Variants in SPOCK1 observed in about 807,000 individuals in gnomAD.
SPOCK1 encodes the protein SPARC (osteonectin), cwcv and kazal like domains proteoglycan 1, also known as testican-1.
In SPOCK1, 23 loss-of-function variants were observed where a neutral mutation model predicts 55.3. The observed-to-expected ratio is 0.42, with a 90% CI of 0.30 to 0.59. The LOEUF (loss-of-function observed/expected upper bound fraction) is 0.59. SPOCK1 is among the 20% of genes least tolerant of loss of function. The pLI is 0.22. For missense variants in SPOCK1, 499 were observed against 552.5 expected (o/e 0.90, Z 0.97); for synonymous variants, 226 against 221.0 (o/e 1.02, Z -0.20).
intron 6 of SPOCK1, among the ~76,000 whole-genome samples, chr5:137,014,197 T>C (rs1751407273): frequency 6.6e-6 from 1 of 152,098 alleles, no homozygotes; most frequent in South Asian, 2.1e-4. Flanking sequence ...TTTGTTCTGT[T>C]TTTGCCATGG....
At chr5:137,058,626 G>A (rs1459041425) in intron 6 of SPOCK1, among the ~76,000 whole-genome samples, 2 of 152,168 alleles carry the variant, frequency 1.3e-5, no homozygotes, top group African/African-American at 4.8e-5. Context: ...AAGAAAAAAG[G>A]TAAGCAAACG....
chr5:137,167,492 T>G (rs2127056163), intron 3 of SPOCK1, among the ~76,000 whole-genome samples: 1 of 152,146 alleles, frequency 6.6e-6, no homozygotes, highest in Middle Eastern at 3.4e-3. Flanking sequence ...ACAGAACATT[T>G]CATCCAATGG....
chr5:137,126,659 G>C (rs1753786612), intron 4 of SPOCK1, among the ~76,000 whole-genome samples: 1 of 152,184 alleles, frequency 6.6e-6, no homozygotes, highest in African/African-American at 2.4e-5. Flanking sequence ...CTACTCGGGA[G>C]GCTGAGGCAG....
intron 9 of SPOCK1, among the ~76,000 whole-genome samples, chr5:136,981,306 T>A (rs1750725844): frequency 1.3e-5 from 2 of 152,200 alleles, no homozygotes; most frequent in African/African-American, 4.8e-5. Context: ...TTGTCAAAGG[T>A]TTGTCTATTT....
intron 9 of SPOCK1, among the ~76,000 whole-genome samples, chr5:136,981,682 T>G (rs1750733764): frequency 6.6e-6 from 1 of 152,208 alleles, no homozygotes; most frequent in Admixed American, 6.5e-5. Context: ...TATTTGAAAT[T>G]TGTTTTCTTC....
chr5:137,118,474 C>A (rs1038300449), intron 4 of SPOCK1, among the ~76,000 whole-genome samples: 4 of 152,182 alleles, frequency 2.6e-5, no homozygotes, highest in Non-Finnish European at 5.9e-5. Context: ...CCCACCCTCA[C>A]CAACCCATAC....
intron 3 of SPOCK1, among the ~76,000 whole-genome samples, chr5:137,204,495 G>A (rs913602558): frequency 1.3e-5 from 2 of 151,966 alleles, no homozygotes; most frequent in African/African-American, 4.8e-5. Context: ...AATAGTAAAG[G>A]TAGAAATCTA....
intron 3 of SPOCK1, among the ~76,000 whole-genome samples, chr5:137,253,375 T>C (rs545645115): frequency 6.6e-6 from 1 of 152,336 alleles, no homozygotes; most frequent in South Asian, 2.1e-4. Flanking sequence ...CCTAATTTAC[T>C]TATTAGATAT....
At chr5:137,096,897 G>A (rs2127022703) in intron 5 of SPOCK1, among the ~76,000 whole-genome samples, 1 of 152,324 alleles carries the variant, frequency 6.6e-6, no homozygotes, top group South Asian at 2.1e-4. Context: ...CTATGAGTCA[G>A]GGTGATGTGT....
At chr5:137,174,282 T>C (rs143591877) in intron 3 of SPOCK1, among the ~76,000 whole-genome samples, 75 of 152,318 alleles carry the variant, frequency 4.9e-4, no homozygotes, top group African/African-American at 1.8e-3. Context: ...CAATTGCACA[T>C]CTAGCTGAAA....
At chr5:137,173,142 G>C (rs1342695889) in intron 3 of SPOCK1, among the ~76,000 whole-genome samples, 1 of 152,110 alleles carries the variant, frequency 6.6e-6, no homozygotes, top group Non-Finnish European at 1.5e-5. Context: ...TCTTTTACCT[G>C]AGTCCTGGTA....
chr5:137,240,016 A>T (rs764920580), intron 3 of SPOCK1, among the ~76,000 whole-genome samples: 2 of 152,230 alleles, frequency 1.3e-5, no homozygotes, highest in Non-Finnish European at 2.9e-5. Context: ...GCAAACTTCC[A>T]TTAAGTAGTA....
chr5:137,014,108 T>G (rs535023412), intron 6 of SPOCK1, among the ~76,000 whole-genome samples: 4 of 152,182 alleles, frequency 2.6e-5, no homozygotes, highest in Non-Finnish European at 5.9e-5. Flanking sequence ...TTCATGATAT[T>G]GACTTCTTGC....
At chr5:137,283,880 G>C (rs1053924034) in intron 2 of SPOCK1, among the ~76,000 whole-genome samples, 1 of 152,162 alleles carries the variant, frequency 6.6e-6, no homozygotes, top group Non-Finnish European at 1.5e-5. Flanking sequence ...GTAGGCAGCA[G>C]AGCAAGGACC....
chr5:137,345,733 G>A (rs974170235), intron 2 of SPOCK1, among the ~76,000 whole-genome samples: 11 of 152,168 alleles, frequency 7.2e-5, no homozygotes, highest in African/African-American at 2.2e-4. Flanking sequence ...CAAACTGCAG[G>A]TTGAGTATTT....
At chr5:137,255,325 T>A (rs933322776) in intron 3 of SPOCK1, among the ~76,000 whole-genome samples, 2 of 152,230 alleles carry the variant, frequency 1.3e-5, no homozygotes, top group Non-Finnish European at 2.9e-5. Flanking sequence ...CATAGTGCTC[T>A]GTGTGTCCTT....
At chr5:136,998,603 C>A (rs139943883) in intron 6 of SPOCK1, among the ~76,000 whole-genome samples, 1 of 152,130 alleles carries the variant, frequency 6.6e-6, no homozygotes, top group Admixed American at 6.5e-5. Flanking sequence ...TGAAAAAAAT[C>A]AAAATATCAG....
At chr5:137,263,245 G>A (rs574211534) in intron 3 of SPOCK1, among the ~76,000 whole-genome samples, 3 of 152,184 alleles carry the variant, frequency 2.0e-5, no homozygotes, top group South Asian at 2.1e-4. Flanking sequence ...ACTGAAAGAC[G>A]CCTCAGAGTT....
At chr5:137,383,826 T>C (rs1482784665) in intron 2 of SPOCK1, among the ~76,000 whole-genome samples, 1 of 152,212 alleles carries the variant, frequency 6.6e-6, no homozygotes, top group Non-Finnish European at 1.5e-5. Context: ...TCCACCTCTT[T>C]TTCCCCCTTG....
Sources: allele counts gnomAD v4.1 joint callset (sites outside exome capture counted in the v4.1 genomes callset), GRCh38; gene constraint gnomAD v4.1.1; transcripts MANE v1.5; gene names NCBI Gene and HGNC (gene_info 2026-07-23, HGNC 2026-07-21).